The following AVEN variants were observed in gnomAD, a reference collection of about 807,000 sequenced individuals.
AVEN encodes apoptosis and caspase activation inhibitor.
In AVEN, 41 loss-of-function variants were observed where a neutral mutation model predicts 38.1. The ratio of observed to expected loss-of-function variants is 1.08; its 90% CI spans 0.84 to 1.40. AVEN has a LOEUF of 1.40. Ranked by LOEUF, AVEN falls within the 40% of genes most tolerant of loss-of-function variation. The pLI is 0.00. For synonymous variants in AVEN, 206 were observed against 171.8 expected (o/e 1.20, Z -1.56); for missense variants, 605 against 438.8 (o/e 1.38, Z -3.38).
intron 5 of AVEN, among the ~76,000 whole-genome samples, chr15:34,061,322 G>C (rs1900329614): frequency 6.6e-6 from 1 of 152,054 alleles, no homozygotes; most frequent in African/African-American, 2.4e-5. Context: ...TCAACAGAGG[G>C]TTAATTAAAT....
At chr15:33,889,879 G>A (rs1891860713) in intron 2 of AVEN, among the ~76,000 whole-genome samples, 1 of 152,156 alleles carries the variant, frequency 6.6e-6, no homozygotes, top group Non-Finnish European at 1.5e-5. Context: ...ACCATTAGAG[G>A]GGAGACTCGA....
chr15:33,982,040 T>G (rs1274835325), intron 2 of AVEN, among the ~76,000 whole-genome samples: 23 of 151,652 alleles, frequency 1.5e-4, no homozygotes, highest in Non-Finnish European at 2.9e-5. Flanking sequence ...TTCTTTTTTT[T>G]TTTATTAGTA....
intron 2 of AVEN, among the ~76,000 whole-genome samples, chr15:33,978,988 T>C (rs1297749929): frequency 1.3e-5 from 2 of 152,074 alleles, no homozygotes; most frequent in Non-Finnish European, 2.9e-5. Context: ...AGACAATAAA[T>C]GGGACCTACT....
chr15:34,004,911 G>GA (rs545520291), intron 1 of AVEN, among the ~76,000 whole-genome samples: 239 of 151,746 alleles, frequency 1.6e-3, no homozygotes, highest in African/African-American at 5.5e-3. Context: ...TCCTTATCAA[G>GA]AAAAAAATGA....
chr15:34,062,572 A>AAAAC, intron 5 of AVEN: 14 of 657,334 alleles, frequency 2.1e-5, no homozygotes, highest in Non-Finnish European at 2.6e-5. Flanking sequence ...AAAAAAAAAA[A>AAAAC]AACTATAAAC....
chr15:33,947,034 A>G (rs1894533640), intron 2 of AVEN, among the ~76,000 whole-genome samples: 1 of 152,150 alleles, frequency 6.6e-6, no homozygotes, highest in Admixed American at 6.6e-5. Context: ...ATCTGTAGAC[A>G]GGTTAGGGCC....
intron 2 of AVEN, among the ~76,000 whole-genome samples, chr15:33,945,957 C>G (rs1394353996): frequency 6.6e-6 from 1 of 152,128 alleles, no homozygotes; most frequent in Non-Finnish European, 1.5e-5. Context: ...ACTCCTGATT[C>G]TTTTCATCCA....
At chr15:34,042,396 G>GTTTT (rs35456951), upstream of AVEN, among the ~76,000 whole-genome samples, 6 of 130,378 alleles carry the variant, frequency 4.6e-5, no homozygotes, top group South Asian at 2.4e-4. Context: ...CATGACCTAA[G>GTTTT]TTTTTTTTTT....
intron 2 of AVEN, among the ~76,000 whole-genome samples, chr15:33,956,542 CATAT>C (rs1428926423): frequency 6.6e-6 from 1 of 150,792 alleles, no homozygotes; most frequent in African/African-American, 2.5e-5. Flanking sequence ...TAAAACACAT[CATAT>C]ATATTGGAAA....
At chr15:33,871,730 G>C (rs56385459) in intron 3 of AVEN, among the ~76,000 whole-genome samples, 4,706 of 149,970 alleles carry the variant, frequency 0.031, 144 homozygotes, top group Non-Finnish European at 0.038. Flanking sequence ...GCAGTGAGAA[G>C]GGACTGACAG....
At chr15:33,868,452 G>A (rs937052694) in intron 4 of AVEN, among the ~76,000 whole-genome samples, 4 of 151,040 alleles carry the variant, frequency 2.6e-5, no homozygotes, top group Non-Finnish European at 4.4e-5. Flanking sequence ...GGCTGAGGCA[G>A]GAGAATGGCG....
At chr15:34,038,190 G>C (rs952853946) in intron 1 of AVEN, among the ~76,000 whole-genome samples, 3 of 152,178 alleles carry the variant, frequency 2.0e-5, no homozygotes, top group Non-Finnish European at 4.4e-5. Context: ...CATAATAAAA[G>C]AGAACTACGC....
At chr15:34,014,368 A>AG (rs1897776702) in intron 1 of AVEN, among the ~76,000 whole-genome samples, 1 of 16,276 alleles carries the variant, frequency 6.1e-5, no homozygotes, top group Non-Finnish European at 2.7e-4. Flanking sequence ...CCATCTCATT[A>AG]AAAAAAAAAA....
At chr15:33,952,264 A>G (rs1362203833) in intron 2 of AVEN, among the ~76,000 whole-genome samples, 2 of 152,234 alleles carry the variant, frequency 1.3e-5, no homozygotes, top group African/African-American at 4.8e-5. Flanking sequence ...CTCCAGGTTC[A>G]AAGGTATAGA....
chr15:33,872,078 G>A (rs1477058206), intron 3 of AVEN, among the ~76,000 whole-genome samples: 1 of 152,192 alleles, frequency 6.6e-6, no homozygotes, highest in African/African-American at 2.4e-5. Context: ...ACGACATCTG[G>A]CTGCAGACAG....
chr15:34,006,715 G>A (rs1897360626), intron 1 of AVEN, among the ~76,000 whole-genome samples: 1 of 152,104 alleles, frequency 6.6e-6, no homozygotes, highest in Non-Finnish European at 1.5e-5. Flanking sequence ...CACTGAACAA[G>A]GATCTCATTA....
chr15:33,857,394 G>A (rs1339005806), downstream of AVEN, among the ~76,000 whole-genome samples: 4 of 149,576 alleles, frequency 2.7e-5, no homozygotes, highest in East Asian at 3.9e-4. Context: ...TAAGGATGCC[G>A]GTGAGATTGG....
intron 2 of AVEN, among the ~76,000 whole-genome samples, 195 bp from the exon 3 acceptor site, chr15:33,876,190 A>G (rs1037685055): frequency 6.6e-6 from 1 of 150,792 alleles, no homozygotes; most frequent in Non-Finnish European, 1.5e-5. Context: ...TTAACATTTG[A>G]TAAGATTAAA....
intron 2 of AVEN, among the ~76,000 whole-genome samples, chr15:33,930,967 A>C (rs1171570060): frequency 2.0e-5 from 3 of 151,994 alleles, no homozygotes; most frequent in East Asian, 3.9e-4. Flanking sequence ...AAAAAAAAAA[A>C]AAAAAAACTT....
Sources: gnomAD v4.1 joint callset for allele counts (sites outside exome capture counted in the v4.1 genomes callset) on GRCh38, gnomAD v4.1.1 for gene constraint, MANE v1.5 for transcripts, NCBI Gene and HGNC (gene_info 2026-07-23, HGNC 2026-07-21) for gene names.